Variants in MTMR4 observed in about 807,000 individuals in gnomAD.
MTMR4 encodes phosphatidylinositol-3,5-bisphosphate 3-phosphatase MTMR4.
In MTMR4, 30 loss-of-function variants were observed where a neutral mutation model predicts 125.5. The observed-to-expected ratio is 0.24, with a 90% CI of 0.18 to 0.32. The LOEUF (loss-of-function observed/expected upper bound fraction) is 0.32. Among genes scored for constraint, MTMR4 ranks in the 10% least tolerant of loss-of-function variants. The pLI, the probability that MTMR4 is intolerant of heterozygous loss-of-function variation, is 1.00. For synonymous variants in MTMR4, 498 were observed against 564.5 expected (o/e 0.88, Z 1.67); for missense variants, 1,039 against 1,511.5 (o/e 0.69, Z 5.18).
chr17:58,492,384 T>C (rs1480730683), intron 17 of MTMR4, 127 bp downstream of exon 17: 1 of 757,334 alleles, frequency 1.3e-6, no homozygotes, highest in Non-Finnish European at 2.2e-6. Context: ...TTGGCCAGGA[T>C]GGTCTCAATC....
upstream of MTMR4, among the ~76,000 whole-genome samples, chr17:58,515,512 A>G (rs1338612075): frequency 6.6e-6 from 1 of 152,228 alleles, no homozygotes; most frequent in Non-Finnish European, 1.5e-5. Context: ...AGTTTCTAAC[A>G]TTATCTCAGT....
chr17:58,492,768 T>C lies in MTMR4; in HGVS notation c.3363+74A>G. On this transcript the variant is annotated intron_variant, in intron 16 of 17. Transcript: ENST00000682306. Reference sequence around the variant, plus strand: ...CTGGGGGACAGCTCAGTCTACAGCATGTCATTCATCTCTGGAAAATATGAT... The same window carrying C: ...CTGGGGGACAGCTCAGTCTACAGCACGTCATTCATCTCTGGAAAATATGAT... 5.6e-6 allele frequency: 8 copies of C among 1,430,144 alleles called. No homozygotes were observed. The Admixed American group carries it at 8.4e-5, about 15-fold the overall frequency. The allele number at this position is 1,430,144 out of a possible 1,614,324, so 88.6% of individuals were successfully genotyped here. A position where few individuals can be genotyped will look rare whatever the true frequency, so the allele number is the denominator to read the frequency against.
chr17:58,495,174 C>T lies in MTMR4; in HGVS notation c.3010G>A (p.Val1004Ile). The stretch of plus-strand genomic sequence containing the variant: ...AGTGGAACGGGCTTTGTGCTAGAGA[C>T]TTGCTTTGGATGACTGGACAACCAC... ...QMWLSSHPKQ[V>I]SSTKPVPLNC... The change falls in exon 15 of 18, where the codon GTC becomes ATC. Residue 1004 changes from valine (V) to isoleucine (I), a missense_variant. By Grantham distance (29) the Val-to-Ile change is conservative. Coordinates refer to ENST00000682306, the MANE Select transcript of MTMR4 (RefSeq NM_001378067.1). 1 of 1,614,208 alleles carries T rather than the reference C, an allele frequency of 6.2e-7. No homozygotes were observed. The highest frequency in any genetic ancestry group is 8.5e-7 in the Non-Finnish European group (1 of 1,180,048).
At chr17:58,502,626 C>T (rs189011965) in intron 14 of MTMR4, among the ~76,000 whole-genome samples, 34 of 152,092 alleles carry the variant, frequency 2.2e-4, no homozygotes, top group African/African-American at 2.4e-5. Flanking sequence ...TTTAGATGTG[C>T]TGTCATGAGA....
chr17:58,496,127 TCTC>T lies in MTMR4; in HGVS notation c.2054_2056del (p.Gly685del), dbSNP rs1393846247. 3.1e-6 allele frequency: 5 copies of T among 1,613,982 alleles called. No homozygotes were observed. In the African/African-American group the frequency reaches 4.0e-5, roughly 13 times the overall value. On this transcript the variant is annotated inframe_deletion, in exon 15 of 18. Coordinates refer to ENST00000682306, the MANE Select transcript of MTMR4 (RefSeq NM_001378067.1). Reference sequence around the variant, plus strand: ...GGGCAGAGGAGGAGGAAGACCCACTTCTCCTACAGTTTGCTGAGGCCCTCCTAC... The same window carrying T: ...GGGCAGAGGAGGAGGAAGACCCACTTCTACAGTTTGCTGAGGCCCTCCTAC...
intron 14 of MTMR4, among the ~76,000 whole-genome samples, chr17:58,502,428 G>T (rs1015534322): frequency 6.6e-6 from 1 of 151,446 alleles, no homozygotes; most frequent in African/African-American, 2.4e-5. Context: ...AAAGTGCTGG[G>T]ATTACAGGCA....
At chr17:58,506,022 T>C (rs946079138) in intron 9 of MTMR4, among the ~76,000 whole-genome samples, 1 of 152,200 alleles carries the variant, frequency 6.6e-6, no homozygotes. Flanking sequence ...AGGAACTAAA[T>C]ACAGTCTTGA....
chr17:58,494,848 G>T, intron 15 of MTMR4, 84 bp downstream of exon 15: 1 of 1,304,834 alleles, frequency 7.7e-7, no homozygotes, highest in Non-Finnish European at 1.1e-6. Flanking sequence ...CACACAGCAA[G>T]TACCCAACGA....
chr17:58,501,952 G>C (rs1228240774), intron 14 of MTMR4, among the ~76,000 whole-genome samples: 1 of 151,672 alleles, frequency 6.6e-6, no homozygotes, highest in Non-Finnish European at 1.5e-5. Context: ...CCAGCTACTC[G>C]AGAGGCTGGG....
chr17:58,498,507 G>GAGGAGA (rs1286532442), intron 14 of MTMR4, among the ~76,000 whole-genome samples: 2 of 129,182 alleles, frequency 1.5e-5, no homozygotes, highest in East Asian at 2.6e-4. Flanking sequence ...GAAGAAGGAG[G>GAGGAGA]AGGAGAAGGA....
In MTMR4 at chr17:58,508,240, G is replaced by A; in HGVS notation, c.628C>T (p.Pro210Ser). ...AGCTCTTTGTCAGTGATCCACACAG[G>A]AACCAGCAGCTTCTGGGGGTAACTG... is the stretch of plus-strand genomic sequence containing the variant. ...CPSYPQKLLV[P>S]VWITDKELEN... Residue 210 changes from proline to serine, a missense_variant, in exon 7 of 18, where the codon CCT becomes TCT. Pro to Ser is a moderately conservative substitution (Grantham distance 74). Coordinates refer to ENST00000682306, the MANE Select transcript of MTMR4 (RefSeq NM_001378067.1). This position sits in a 1 kb window ranked among gnomAD's most constrained non-coding sequence, Gnocchi z 4.8. 1 of 1,614,060 alleles carries A rather than the reference G, an allele frequency of 6.2e-7. No homozygotes were observed. The highest frequency in any genetic ancestry group is 8.5e-7 in the Non-Finnish European group (1 of 1,180,022).
intron 13 of MTMR4, 61 bp downstream of exon 13, chr17:58,503,989 C>T (rs1975710092): frequency 6.5e-7 from 1 of 1,544,770 alleles, no homozygotes; most frequent in African/African-American, 1.4e-5. Flanking sequence ...TCCCTACTGA[C>T]TCAGCTGCTT....
chr17:58,514,854 C>T (rs1252864238), upstream of MTMR4: 8 of 440,178 alleles, frequency 1.8e-5, no homozygotes, highest in African/African-American at 2.1e-5. Flanking sequence ...CTAAGGTGAG[C>T]CACCCCATGC....
At position 58,492,850 on chromosome 17, in the gene MTMR4, CT is replaced by C; in HGVS notation, c.3354del (p.Glu1119ArgfsTer4). ...TATGTGCCTAAACATACCTCAGTCT[CT>C]TTCTTATCAACAGGTTCCCAGCTTG... is the stretch of plus-strand genomic sequence containing the variant. Reference protein sequence around the residue: ...SEASWEPVDKKETEVTRWVPD... With the variant: ...SEASWEPVDKXETEVTRWVPD... On this transcript the variant is annotated frameshift_variant, in exon 16 of 18. Transcript: ENST00000682306. LOFTEE classifies it high-confidence loss of function. 1 of 1,614,142 alleles carries C rather than the reference CT, an allele frequency of 6.2e-7. No individual in the cohort carries two copies.
intron 4 of MTMR4, chr17:58,510,969 T>C (rs1369633651): frequency 6.6e-6 from 1 of 152,410 alleles, no homozygotes. Context: ...TTCACAAATT[T>C]TACTTATTAC....
At chr17:58,518,840 T>C (rs2042065803), upstream of MTMR4, among the ~76,000 whole-genome samples, 1 of 152,112 alleles carries the variant, frequency 6.6e-6, no homozygotes, top group African/African-American at 2.4e-5. Context: ...GCTGATATTC[T>C]CAGGTCTGGA....
Position 58,495,381 on chromosome 17 carries a change from C to G in MTMR4, c.2803G>C (p.Glu935Gln). ...GAAAGCAGCCGCCGAGGGGTGGCCT[C>G]CCCACTTGGGAATGAAGTCACCATC... Reference protein sequence around the residue: ...QGMVTSFPSGEATPRRLLSYG... With the variant: ...QGMVTSFPSGQATPRRLLSYG... The change falls in exon 15 of 18, where the codon GAG (glutamate) becomes CAG (glutamine). Residue 935 changes from glutamate to glutamine, a missense_variant. Glu to Gln is a conservative substitution (Grantham distance 29). Coordinates refer to ENST00000682306, the MANE Select transcript of MTMR4 (RefSeq NM_001378067.1). The G allele has an allele frequency of 6.2e-7, 1 of 1,614,246 alleles. No homozygotes were observed. The highest frequency in any genetic ancestry group is 8.5e-7 in the Non-Finnish European group (1 of 1,180,054).
At chr17:58,503,242 G>A (rs1465492921) in intron 14 of MTMR4, among the ~76,000 whole-genome samples, 2 of 152,196 alleles carry the variant, frequency 1.3e-5, no homozygotes, top group Admixed American at 1.3e-4. Context: ...AGGAAAGAAA[G>A]TATCCAACCT....
chr17:58,508,307 G>A lies in MTMR4; in HGVS notation c.594-33C>T. On this transcript the variant is annotated intron_variant, in intron 6 of 17. Transcript: ENST00000682306. The surrounding 1 kb of genome is among the most constrained non-coding windows in gnomAD (Gnocchi z 4.8). ...GAGACCAGGTGGGGGTCACTGCACT[G>A]GGTCTAAAACATGTGATGACAGGAT... 1.3e-6 allele frequency: 2 copies of A among 1,591,798 alleles called. No homozygotes were observed. Among genetic ancestry groups the A allele is most frequent in the Non-Finnish European group, 8.6e-7 (1 of 1,159,762 alleles).
Sources: allele counts gnomAD v4.1 joint callset (sites outside exome capture counted in the v4.1 genomes callset), GRCh38; gene constraint gnomAD v4.1.1; non-coding constraint Gnocchi (gnomAD v3.1); transcripts MANE v1.5; gene names NCBI Gene and HGNC (gene_info 2026-07-23, HGNC 2026-07-21).